QTRT1: variants seen among roughly 807,000 people sequenced by gnomAD.
QTRT1 encodes the protein queuine tRNA-ribosyltransferase catalytic subunit 1, also known as TGT, 43-KD subunit.
In QTRT1, 41 loss-of-function variants were observed where a neutral mutation model predicts 44.0. The ratio of observed to expected loss-of-function variants is 0.93; its 90% CI spans 0.73 to 1.21. The LOEUF (loss-of-function observed/expected upper bound fraction) is 1.21. QTRT1 is among the 50% of genes most tolerant of loss of function. The pLI, the probability that QTRT1 is intolerant of heterozygous loss-of-function variation, is 0.00. For missense variants in QTRT1, 542 were observed against 575.8 expected, an observed-to-expected ratio of 0.94 and a Z score of 0.60; for synonymous variants, 226 against 237.1, an observed-to-expected ratio of 0.95 and a Z score of 0.43.
At chr19:10,708,285 G>T (rs968696996) in intron 5 of QTRT1, among the ~76,000 whole-genome samples, 2 of 151,846 alleles carry the variant, frequency 1.3e-5, no homozygotes, top group East Asian at 3.9e-4. Context: ...TTTGAGACAC[G>T]GTCTTACTCT....
At chr19:10,708,664 GC>G (rs1434485668) in intron 5 of QTRT1, among the ~76,000 whole-genome samples, 2 of 151,592 alleles carry the variant, frequency 1.3e-5, no homozygotes, top group Non-Finnish European at 2.9e-5. Flanking sequence ...GCTAGGGAAG[GC>G]CTAGGAATCT....
At chr19:10,706,338 A>G (rs757469486) in intron 3 of QTRT1, among the ~76,000 whole-genome samples, 7 of 151,916 alleles carry the variant, frequency 4.6e-5, no homozygotes, top group Non-Finnish European at 1.0e-4. Context: ...CTAAACCACT[A>G]TGCTGTGCAC....
intron 5 of QTRT1, among the ~76,000 whole-genome samples, chr19:10,708,049 C>A (rs1035571873): frequency 6.6e-6 from 1 of 151,642 alleles, no homozygotes; most frequent in Admixed American, 6.6e-5. Context: ...CCTGCAACCT[C>A]CGCCTCCCGG....
At position 10,712,427 on chromosome 19, in the gene QTRT1, A is replaced by T; in HGVS notation, c.786-126A>T. 2 of 1,443,772 alleles carry T rather than the reference A, an allele frequency of 1.4e-6. No homozygotes were observed. The highest frequency in any genetic ancestry group is 1.9e-6 in the Non-Finnish European group (2 of 1,039,510). 89.4% of individuals were successfully genotyped at this position (1,443,772 alleles called of 1,614,324 possible). On this transcript the variant is annotated intron_variant, in intron 6 of 9. Coordinates refer to ENST00000250237, the MANE Select transcript of QTRT1 (RefSeq NM_031209.3). This position sits in a 1 kb window ranked among gnomAD's most constrained non-coding sequence, Gnocchi z 5.6. ...GGTCTGATCTGAGGAGACTAGGAAGACATGGCTGTCCCTTGGGGGCCATTC... is the reference window on the plus strand; with the variant it reads ...GGTCTGATCTGAGGAGACTAGGAAGTCATGGCTGTCCCTTGGGGGCCATTC...
rs1256774882 is a variant in QTRT1 at position 10,713,214 on chromosome 19, C to A, written c.1156C>A (p.Leu386Ile). 6.2e-7 allele frequency: 1 copy of A among 1,607,264 alleles called. No individual in the cohort carries two copies. The highest frequency in any genetic ancestry group is 1.1e-5 in the South Asian group (1 of 90,254). ...GGGCGCCATGTACGGGGATCCCACC[C>A]TCTGTCCCACCTGGGCCACTGACGC... ...FMGAMYGDPT[L>I]CPTWATDALA... Residue 386 changes from leucine to isoleucine, a missense_variant, in exon 10 of 10, where the codon CTC (leucine) becomes ATC (isoleucine). Transcript: ENST00000250237. This position sits in a 1 kb window ranked among gnomAD's most constrained non-coding sequence, Gnocchi z 4.3.
chr19:10,707,291 C>A lies in QTRT1; in HGVS notation c.452-11C>A. 5.0e-6 allele frequency: 8 copies of A among 1,614,006 alleles called. No homozygotes were observed. Among genetic ancestry groups the A allele is most frequent in the Non-Finnish European group, 6.8e-6 (8 of 1,179,842 alleles). ...GCTTTCCCAGTGATGTTGCCCCCAT[C>A]TCACCATCAGGCTCGGACATCATCA... On this transcript the variant is annotated splice_polypyrimidine_tract_variant and intron_variant, in intron 3 of 9. Coordinates refer to ENST00000250237, the MANE Select transcript of QTRT1 (RefSeq NM_031209.3).
At chr19:10,702,080 C>T (rs753244185) in intron 2 of QTRT1, 36 bp from the exon 3 acceptor site, 2 of 1,614,180 alleles carry the variant, frequency 1.2e-6, no homozygotes, top group Non-Finnish European at 1.7e-6. Context: ...TCCCCATCTC[C>T]ACCCCCTGAC....
chr19:10,704,775 C>T (rs1171424778), intron 3 of QTRT1, among the ~76,000 whole-genome samples: 1 of 151,494 alleles, frequency 6.6e-6, no homozygotes, highest in Non-Finnish European at 1.5e-5. Context: ...TTGGTAGAGA[C>T]GGGGTTTCTC....
rs146967568 is a variant in QTRT1, at chr19:10,712,267, G to A, written c.753G>A (p.Pro251=). The part of the protein sequence containing the change: ...RMVALSTSRL[P]KDKPRYLMGV... ...TGGCGCTGAGCACCTCTCGGCTGCC[G>A]AAGGACAAGCCCCGATATCTGATGG... Residue 251 remains proline (P), a synonymous_variant, in exon 6 of 10, where the codon CCG becomes CCA. Coordinates refer to ENST00000250237, the MANE Select transcript of QTRT1 (RefSeq NM_031209.3). The surrounding 1 kb of genome is among the most constrained non-coding windows in gnomAD (Gnocchi z 5.6). 8 of 1,613,668 alleles carry A rather than the reference G, an allele frequency of 5.0e-6. No individual in the cohort carries two copies. The African/African-American group carries it at 5.3e-5, about 11-fold the overall frequency.
chr19:10,711,359 G>C (rs1038945263), intron 5 of QTRT1: 1 of 151,576 alleles, frequency 6.6e-6, no homozygotes, highest in African/African-American at 2.4e-5. Context: ...TTTTAGTAGA[G>C]ACAGGATTTA....
chr19:10,701,810 G>A, intron 1 of QTRT1, 107 bp downstream of exon 1: 2 of 1,573,552 alleles, frequency 1.3e-6, no homozygotes, highest in Non-Finnish European at 1.7e-6. Flanking sequence ...TCGACCAGCT[G>A]TATTGAGCGC....
rs2068720011 is a variant in QTRT1, at chr19:10,707,582, C to T, written c.613C>T (p.Leu205=). 2 of 1,610,374 alleles carry T rather than the reference C, an allele frequency of 1.2e-6. No individual in the cohort carries two copies. Among genetic ancestry groups the T allele is most frequent in the Admixed American group, 3.3e-5 (2 of 59,872 alleles). ...CCTCTTCGCCATTATCCAGGGTGGG[C>T]TGGACGCAGATCTCCGGGCCACCTG... The part of the protein sequence containing the change: ...QNLFAIIQGG[L]DADLRATCLE... The change falls in exon 5 of 10, where the codon CTG becomes TTG. Residue 205 remains leucine, a synonymous_variant. Transcript: ENST00000250237.
At position 10,713,329 on chromosome 19, in the gene QTRT1, G is replaced by C. The variant is rs2068748889; in HGVS notation, c.*59G>C. 6.4e-7 allele frequency: 1 copy of C among 1,571,886 alleles called. No homozygotes were observed. Among genetic ancestry groups the C allele is most frequent in the Non-Finnish European group, 8.6e-7 (1 of 1,158,588 alleles). On this transcript the variant is annotated 3_prime_UTR_variant, in exon 10 of 10. Transcript: ENST00000250237. This position sits in a 1 kb window ranked among gnomAD's most constrained non-coding sequence, Gnocchi z 4.3. The stretch of plus-strand genomic sequence containing the variant: ...GAGGGAGGGGCTGGAAGATACTGAA[G>C]GATTCCTTTTTGAAAGGTTTTTTTT...
chr19:10,712,828 GC>G lies in QTRT1; in HGVS notation c.936del (p.Ile313Ter), dbSNP rs2068745190. The G allele has an allele frequency of 6.2e-7, 1 of 1,613,956 alleles. No homozygotes were observed. On this transcript the variant is annotated frameshift_variant, in exon 8 of 10. Transcript: ENST00000250237. LOFTEE classifies it high-confidence loss of function. The surrounding 1 kb of genome is among the most constrained non-coding windows in gnomAD (Gnocchi z 5.6). ...AAGAAGGTGTTTGAGAAGGACTTCG[GC>G]CCCATAGACCCGGAGTGCACCTGCC... is the stretch of plus-strand genomic sequence containing the variant. ...LRKKVFEKDFGPIDPECTCPT... is the reference protein window; with the variant it reads ...LRKKVFEKDFXPIDPECTCPT...
chr19:10,708,069 A>C (rs1951738743), intron 5 of QTRT1, among the ~76,000 whole-genome samples: 1 of 150,350 alleles, frequency 6.7e-6, no homozygotes, highest in Non-Finnish European at 1.5e-5. Context: ...GGTTCAATCT[A>C]TTCTCCTGCC....
intron 3 of QTRT1, among the ~76,000 whole-genome samples, chr19:10,704,192 G>A (rs1465553757): frequency 6.6e-6 from 1 of 152,068 alleles, no homozygotes; most frequent in Non-Finnish European, 1.5e-5. Context: ...TATCTGGGCT[G>A]GTCTTGAACT....
rs866222299 is a variant in QTRT1, at chr19:10,710,628, A to T, written c.647-1533A>T. On this transcript the variant is annotated intron_variant, in intron 5 of 9. Coordinates refer to ENST00000250237, the MANE Select transcript of QTRT1 (RefSeq NM_031209.3). ...TGTGCCCAGCCTATTTTTATTTTTT[A>T]AATTTTACTTTGGCCGGGCGTGGTG... 2.0e-3 allele frequency among the ~76,000 whole-genome samples: 309 copies of T among 151,534 alleles called. 1 individual carries two copies. Among genetic ancestry groups the T allele is most frequent in the African/African-American group, 6.7e-3 (277 of 41,332 alleles).
At chr19:10,707,241 G>C in intron 3 of QTRT1, 61 bp from the exon 4 acceptor site, 2 of 1,553,626 alleles carry the variant, frequency 1.3e-6, no homozygotes, top group Non-Finnish European at 1.8e-6. Flanking sequence ...CCCATGTGAC[G>C]GCAGGCTTTC....
At chr19:10,701,826 A>AT in intron 1 of QTRT1, 123 bp downstream of exon 1, 1 of 1,571,508 alleles carries the variant, frequency 6.4e-7, no homozygotes, top group South Asian at 1.1e-5. Context: ...AGCGCCCCCA[A>AT]TGACCAGGCC....
Sources: allele counts gnomAD v4.1 joint callset (sites outside exome capture counted in the v4.1 genomes callset), GRCh38; gene constraint gnomAD v4.1.1; non-coding constraint Gnocchi (gnomAD v3.1); transcripts MANE v1.5; gene names NCBI Gene and HGNC (gene_info 2026-07-23, HGNC 2026-07-21).